OSBPL3: variants seen among roughly 807,000 people sequenced by gnomAD.
OSBPL3 encodes oxysterol binding protein like 3.
A neutral mutation model predicts 120.1 loss-of-function variants in OSBPL3; 65 were observed. The observed-to-expected ratio is 0.54, with a 90% CI of 0.44 to 0.67. OSBPL3 has a LOEUF of 0.67. Ranked by LOEUF, OSBPL3 falls within the 30% of genes least tolerant of loss-of-function variation. The pLI, the probability that OSBPL3 is intolerant of heterozygous loss-of-function variation, is 0.00. For synonymous variants in OSBPL3, 416 were observed against 402.6 expected (o/e 1.03, Z -0.40); for missense variants, 1,004 against 1,082.1 (o/e 0.93, Z 1.01).
intron 1 of OSBPL3, among the ~76,000 whole-genome samples, chr7:24,929,186 T>C (rs1811475142): frequency 6.6e-6 from 1 of 152,218 alleles, no homozygotes; most frequent in Non-Finnish European, 1.5e-5. Flanking sequence ...TGCTGATGGG[T>C]GTGCAGGTGT....
chr7:24,925,309 T>G (rs1488757676), intron 1 of OSBPL3, among the ~76,000 whole-genome samples: 1 of 152,196 alleles, frequency 6.6e-6, no homozygotes, highest in East Asian at 1.9e-4. Context: ...CACATCTGAC[T>G]TTGTTATTGT....
chr7:24,859,079 C>G (rs1412490038), intron 10 of OSBPL3, among the ~76,000 whole-genome samples: 4 of 152,142 alleles, frequency 2.6e-5, no homozygotes, highest in Non-Finnish European at 4.4e-5. Context: ...ACACTCATAA[C>G]AGTCTAATGG....
rs1798903647 is a variant in OSBPL3 at position 24,849,703 on chromosome 7, C to T, written c.1159-527G>A. Among the ~76,000 whole-genome samples, 1 of 152,096 alleles carries T rather than the reference C, an allele frequency of 6.6e-6. No individual in the cohort carries two copies. The highest frequency in any genetic ancestry group is 1.5e-5 in the Non-Finnish European group (1 of 68,028). ...GCAAGGTGGCTCACACCTGTAATTC[C>T]AGCACTTTGGGAGGTGGAGGCGGGC... On this transcript the variant is annotated intron_variant, in intron 11 of 22. Transcript: ENST00000313367. This position sits in a 1 kb window ranked among gnomAD's most constrained non-coding sequence, Gnocchi z 5.4.
chr7:24,955,545 G>A lies in OSBPL3; in HGVS notation c.-150+24341C>T, dbSNP rs1366990159. Among the ~76,000 whole-genome samples, 1 of 152,176 alleles carries A rather than the reference G, an allele frequency of 6.6e-6. No homozygotes were observed. ...TTGTTTTCTCTAAGTAGATGTTTGT[G>A]CAGTCTGTGCTTCCCCTCTTTTTTC... is the stretch of plus-strand genomic sequence containing the variant. On this transcript the variant is annotated intron_variant, in intron 1 of 22. Coordinates refer to ENST00000313367, the MANE Select transcript of OSBPL3 (RefSeq NM_015550.4). The surrounding 1 kb of genome is among the most constrained non-coding windows in gnomAD (Gnocchi z 4.3).
Position 24,899,226 on chromosome 7 carries a change from TA to T in OSBPL3, c.-149-6606del, listed in dbSNP as rs1344637291. Among the ~76,000 whole-genome samples the T allele has an allele frequency of 6.6e-6, 1 of 152,186 alleles. No individual in the cohort carries two copies. The highest frequency in any genetic ancestry group is 1.9e-4 in the East Asian group (1 of 5,192). ...GATGCCCAGATTTAAAGACAAGCTC[TA>T]GGTGTGGTCTGGACAGAGCAGAAGA... is the stretch of plus-strand genomic sequence containing the variant. On this transcript the variant is annotated intron_variant, in intron 1 of 22. Coordinates refer to ENST00000313367, the MANE Select transcript of OSBPL3 (RefSeq NM_015550.4). This position sits in a 1 kb window ranked among gnomAD's most constrained non-coding sequence, Gnocchi z 4.0.
At chr7:24,931,548 T>C (rs76676975) in intron 1 of OSBPL3, among the ~76,000 whole-genome samples, 2,013 of 152,284 alleles carry the variant, frequency 0.013, 52 homozygotes, top group African/African-American at 0.045. Flanking sequence ...AAGCAGCCTC[T>C]AGAAGACAGA....
At chr7:24,920,623 A>T (rs1810274563) in intron 1 of OSBPL3, among the ~76,000 whole-genome samples, 1 of 152,204 alleles carries the variant, frequency 6.6e-6, no homozygotes, top group Non-Finnish European at 1.5e-5. Context: ...ATTCTGTAGT[A>T]TGTGAATTAT....
rs1361185131 is a variant in OSBPL3, at chr7:24,872,363, A to C, written c.97-294T>G. 6.6e-6 allele frequency among the ~76,000 whole-genome samples: 1 copy of C among 150,896 alleles called. No homozygotes were observed. The highest frequency in any genetic ancestry group is 2.4e-5 in the African/African-American group (1 of 40,848). On this transcript the variant is annotated intron_variant, in intron 2 of 22. Coordinates refer to ENST00000313367, the MANE Select transcript of OSBPL3 (RefSeq NM_015550.4). The surrounding 1 kb of genome is among the most constrained non-coding windows in gnomAD (Gnocchi z 4.1). ...AGCTAAATGTAAAGATTTTCCTGTAAGTTCTATTTTTGTTCAGTTTGACAT... is the reference window on the plus strand; with the variant it reads ...AGCTAAATGTAAAGATTTTCCTGTACGTTCTATTTTTGTTCAGTTTGACAT...
In OSBPL3 at chr7:24,953,272, C is replaced by T. The variant is rs1487762437; in HGVS notation, c.-150+26614G>A. Among the ~76,000 whole-genome samples the T allele has an allele frequency of 6.6e-6, 1 of 152,116 alleles. No individual in the cohort carries two copies. The highest frequency in any genetic ancestry group is 2.4e-5 in the African/African-American group (1 of 41,412). On this transcript the variant is annotated intron_variant, in intron 1 of 22. Transcript: ENST00000313367. This position sits in a 1 kb window ranked among gnomAD's most constrained non-coding sequence, Gnocchi z 4.3. The stretch of plus-strand genomic sequence containing the variant: ...CATCTATAGTTCAATTCTCAATATG[C>T]CATCATTTGTCAGCTCTGCCAAGGA...
At chr7:24,832,513 G>GAAA (rs1192440659) in intron 15 of OSBPL3, among the ~76,000 whole-genome samples, 3 of 103,898 alleles carry the variant, frequency 2.9e-5, no homozygotes, top group Non-Finnish European at 4.0e-5. Context: ...CTGCCTCAAA[G>GAAA]AAAAAAAAAA....
At chr7:24,975,364 T>G (rs536485423) in intron 1 of OSBPL3, among the ~76,000 whole-genome samples, 1 of 152,238 alleles carries the variant, frequency 6.6e-6, no homozygotes, top group Non-Finnish European at 1.5e-5. Flanking sequence ...TGATGGCATA[T>G]TCTATTGCTT....
chr7:24,830,242 C>T lies in OSBPL3; in HGVS notation c.1884+526G>A, dbSNP rs1796205516. ...GACTCCTGTCCGGACCCCTCACCCC[C>T]CACCCCACTGCAATATCCTAGCACC... On this transcript the variant is annotated intron_variant, in intron 16 of 22. Transcript: ENST00000313367. This position sits in a 1 kb window ranked among gnomAD's most constrained non-coding sequence, Gnocchi z 4.4. 6.6e-6 allele frequency among the ~76,000 whole-genome samples: 1 copy of T among 152,200 alleles called. No homozygotes were observed. Among genetic ancestry groups the T allele is most frequent in the South Asian group, 2.1e-4 (1 of 4,834 alleles).
At chr7:24,970,978 C>G (rs1247607018) in intron 1 of OSBPL3, among the ~76,000 whole-genome samples, 1 of 152,182 alleles carries the variant, frequency 6.6e-6, no homozygotes, top group Non-Finnish European at 1.5e-5. Flanking sequence ...AAAACCGGGG[C>G]AAAATGTGTC....
intron 14 of OSBPL3, among the ~76,000 whole-genome samples, chr7:24,838,573 T>G (rs1482426703): frequency 6.6e-6 from 1 of 152,220 alleles, no homozygotes; most frequent in East Asian, 1.9e-4. Flanking sequence ...CTCTAACCTC[T>G]AAGCTTTTCC....
At chr7:24,948,837 T>C (rs571975481) in intron 1 of OSBPL3, among the ~76,000 whole-genome samples, 16 of 152,322 alleles carry the variant, frequency 1.1e-4, no homozygotes, top group African/African-American at 1.7e-4. Flanking sequence ...ACAAAGTATA[T>C]GGCTGAATTA....
Position 24,863,265 on chromosome 7 carries a change from C to T in OSBPL3, c.805G>A (p.Glu269Lys), listed in dbSNP as rs1319448412. The change falls in exon 9 of 23, where the codon GAA becomes AAA. Residue 269 changes from glutamate to lysine, a missense_variant. Physicochemically the swap from Glu to Lys is moderately conservative, Grantham distance 56 (BLOSUM62 1). This residue lies in a region of OSBPL3 where 272 missense variants were observed against 248.8 expected (regional missense o/e 1.09). Transcript: ENST00000313367. This position sits in a 1 kb window ranked among gnomAD's most constrained non-coding sequence, Gnocchi z 5.8. Reference protein sequence around the residue: ...QGGSFESPKKEKRSHRRWRSR... With the variant: ...QGGSFESPKKKKRSHRRWRSR... ...CGCCACCTCCTGTGCGATCTTTTTT[C>T]CTTTTTGGGACTTTCAAAAGATCCA... 3.1e-6 allele frequency: 5 copies of T among 1,614,054 alleles called. No individual in the cohort carries two copies. Among genetic ancestry groups the T allele is most frequent in the Non-Finnish European group, 4.2e-6 (5 of 1,179,944 alleles).
chr7:24,850,695 T>C (rs376568983), intron 11 of OSBPL3, among the ~76,000 whole-genome samples: 2 of 152,192 alleles, frequency 1.3e-5, no homozygotes, highest in African/African-American at 2.4e-5. Context: ...TTCTGGCCAA[T>C]GACAGAGGTA....
intron 1 of OSBPL3, among the ~76,000 whole-genome samples, chr7:24,920,641 T>C (rs187908688): frequency 2.0e-5 from 3 of 152,290 alleles, no homozygotes; most frequent in East Asian, 1.9e-4. Flanking sequence ...TATATCTAAA[T>C]GTAAAAATCC....
intron 1 of OSBPL3, among the ~76,000 whole-genome samples, chr7:24,915,473 CATA>C (rs1809411045): frequency 6.6e-6 from 1 of 151,896 alleles, no homozygotes; most frequent in African/African-American, 2.4e-5. Flanking sequence ...ATCTTCCAAA[CATA>C]ATAATCCTCA....
Sources: gnomAD v4.1 joint callset for allele counts (sites outside exome capture counted in the v4.1 genomes callset) on GRCh38, gnomAD v4.1.1 for gene constraint, gnomAD v4.1.1 regional missense constraint, Gnocchi (gnomAD v3.1) non-coding constraint, MANE v1.5 for transcripts, NCBI Gene and HGNC (gene_info 2026-07-23, HGNC 2026-07-21) for gene names.